Variants in CADM2 observed in about 807,000 individuals in gnomAD.
CADM2 encodes the protein cell adhesion molecule 2, also known as immunoglobulin superfamily member 4D.
Under a neutral mutation model 49.8 loss-of-function variants are expected in CADM2, and 12 were observed. The observed-to-expected ratio is 0.24, with a 90% confidence interval of 0.15 to 0.39. The LOEUF (loss-of-function observed/expected upper bound fraction) is 0.39, where lower values mean the gene tolerates loss of function less well. Among genes scored for constraint, CADM2 ranks in the 10% least tolerant of loss-of-function variants. The probability of loss-of-function intolerance (pLI) is 1.00; values close to 1 mark genes in which losing one functional copy is unlikely to be tolerated. For synonymous variants in CADM2, 214 were observed against 175.4 expected (o/e 1.22, Z -1.74); for missense variants, 378 against 492.3 (o/e 0.77, Z 2.20).
At chr3:85,662,266 A>G (rs1345557906) in intron 1 of CADM2, among the ~76,000 whole-genome samples, 1 of 151,096 alleles carries the variant, frequency 6.6e-6, no homozygotes, top group Non-Finnish European at 1.5e-5. Context: ...AGACATATCA[A>G]GAATGGGATG....
intron 1 of CADM2, among the ~76,000 whole-genome samples, chr3:85,578,425 G>GATGTTTT (rs1196445492): frequency 1.6e-4 from 24 of 152,320 alleles, no homozygotes; most frequent in African/African-American, 5.5e-4. Flanking sequence ...ATATGAGAGA[G>GATGTTTT]ATGTTTTATA....
intron 1 of CADM2, among the ~76,000 whole-genome samples, chr3:85,403,820 C>T (rs998613374): frequency 6.6e-6 from 1 of 152,026 alleles, no homozygotes; most frequent in Admixed American, 6.6e-5. Flanking sequence ...ATGTGTTTAG[C>T]TGAAGAGTGC....
chr3:85,108,960 G>A (rs1031906004), intron 1 of CADM2, among the ~76,000 whole-genome samples: 1 of 151,988 alleles, frequency 6.6e-6, no homozygotes, highest in Non-Finnish European at 1.5e-5. Context: ...TAAATAAGAA[G>A]TATGGGAACT....
At chr3:85,128,706 A>G (rs895870005) in intron 1 of CADM2, among the ~76,000 whole-genome samples, 1 of 152,188 alleles carries the variant, frequency 6.6e-6, no homozygotes. Flanking sequence ...TTAGACCCCA[A>G]AAGGTTTTAC....
intron 8 of CADM2, among the ~76,000 whole-genome samples, chr3:85,997,797 G>A (rs533634982): frequency 3.8e-4 from 58 of 152,268 alleles, no homozygotes; most frequent in Non-Finnish European, 7.6e-4. Context: ...AGCTGACTTT[G>A]CAGCAGGTTC....
At chr3:85,023,119 A>T (rs1333182254) in intron 1 of CADM2, among the ~76,000 whole-genome samples, 4 of 152,126 alleles carry the variant, frequency 2.6e-5, no homozygotes, top group African/African-American at 4.8e-5. Flanking sequence ...TATGGAAGGG[A>T]TTTACAGAAC....
At chr3:85,957,019 C>A (rs1724149108) in intron 7 of CADM2, among the ~76,000 whole-genome samples, 1 of 151,536 alleles carries the variant, frequency 6.6e-6, no homozygotes, top group Non-Finnish European at 1.5e-5. Context: ...AAAGTATCAC[C>A]AGTATAACTT....
intron 1 of CADM2, among the ~76,000 whole-genome samples, chr3:85,331,509 G>T (rs112171199): frequency 1.3e-5 from 2 of 150,918 alleles, no homozygotes; most frequent in Admixed American, 1.3e-4. Context: ...AGTGACTATT[G>T]TCACTAAAAG....
chr3:85,566,552 G>C (rs1303452134), intron 1 of CADM2, among the ~76,000 whole-genome samples: 3 of 152,040 alleles, frequency 2.0e-5, no homozygotes, highest in Non-Finnish European at 2.9e-5. Context: ...AACTCTCAGC[G>C]TGTGGAGATT....
At chr3:85,245,456 G>A (rs1001960192) in intron 1 of CADM2, among the ~76,000 whole-genome samples, 2 of 151,536 alleles carry the variant, frequency 1.3e-5, no homozygotes, top group African/African-American at 4.9e-5. Context: ...AGCTTGCAGT[G>A]AGCCGAGATT....
chr3:85,464,881 T>C (rs1419233328), intron 1 of CADM2, among the ~76,000 whole-genome samples: 1 of 152,232 alleles, frequency 6.6e-6, no homozygotes, highest in Non-Finnish European at 1.5e-5. Context: ...CCAAGCTCAG[T>C]GGCTCACGCC....
Position 86,001,192 on chromosome 3 carries a change from C to T in CADM2, c.970+39545C>T, listed in dbSNP as rs116874748. Among the ~76,000 whole-genome samples the T allele has an allele frequency of 5.0e-3, 764 of 152,200 alleles. 7 individuals are homozygous for T. In the East Asian group the frequency reaches 0.05, roughly 10 times the overall value. On this transcript the variant is annotated intron_variant, in intron 8 of 9. Coordinates refer to ENST00000383699, the MANE Select transcript of CADM2 (RefSeq NM_001167675.2). ...TTGCCATTCAGTGAGATAGGAAACA[C>T]TGGTGACAGAATTATGAATTTGTTT...
intron 1 of CADM2, among the ~76,000 whole-genome samples, chr3:85,429,904 A>G (rs1436910413): frequency 6.6e-6 from 1 of 152,172 alleles, no homozygotes; most frequent in Non-Finnish European, 1.5e-5. Flanking sequence ...TTGTTTCACA[A>G]ACCCTAAAAT....
intron 2 of CADM2, among the ~76,000 whole-genome samples, chr3:85,773,680 A>G (rs2070213876): frequency 6.6e-6 from 1 of 151,990 alleles, no homozygotes; most frequent in African/African-American, 2.4e-5. Flanking sequence ...GATATCTTTC[A>G]GAGAAAGACT....
chr3:85,747,752 T>A (rs915892178), intron 2 of CADM2, among the ~76,000 whole-genome samples: 3 of 152,126 alleles, frequency 2.0e-5, no homozygotes, highest in African/African-American at 7.2e-5. Context: ...TAGAATCTCA[T>A]TAGTTTCATA....
intron 1 of CADM2, among the ~76,000 whole-genome samples, chr3:85,632,497 C>CTAAATTATCTT (rs1279859282): frequency 2.0e-5 from 3 of 152,000 alleles, no homozygotes; most frequent in African/African-American, 7.2e-5. Flanking sequence ...AGGGAAGAGC[C>CTAAATTATCTT]TTTTGTTGGC....
At chr3:85,961,259 T>A (rs188333225) in intron 7 of CADM2, among the ~76,000 whole-genome samples, 1 of 151,688 alleles carries the variant, frequency 6.6e-6, no homozygotes, top group Non-Finnish European at 1.5e-5. Flanking sequence ...AATACATATC[T>A]GCTTAGTTAA....
intron 1 of CADM2, among the ~76,000 whole-genome samples, chr3:85,062,889 C>G (rs139091806): frequency 1.2e-3 from 180 of 151,722 alleles, no homozygotes; most frequent in African/African-American, 4.1e-3. Context: ...TAATTACCGT[C>G]TTTATTTTTC....
intron 1 of CADM2, among the ~76,000 whole-genome samples, chr3:85,698,998 G>T (rs2066659240): frequency 6.6e-6 from 1 of 152,124 alleles, no homozygotes; most frequent in Admixed American, 6.6e-5. Context: ...GCTACAATGG[G>T]GTACAGGCAT....
Sources: gnomAD v4.1 joint callset for allele counts (sites outside exome capture counted in the v4.1 genomes callset) on GRCh38, gnomAD v4.1.1 for gene constraint, MANE v1.5 for transcripts, NCBI Gene and HGNC (gene_info 2026-07-23, HGNC 2026-07-21) for gene names.